The following PELI1 variants were observed in gnomAD, a reference collection of about 807,000 sequenced individuals.
The protein encoded by PELI1 is E3 ubiquitin-protein ligase pellino homolog 1.
A neutral mutation model predicts 41.3 loss-of-function variants in PELI1; 15 were observed. The observed-to-expected ratio is 0.36, with a 90% confidence interval of 0.24 to 0.56. PELI1 has a LOEUF of 0.56. Ranked by LOEUF, PELI1 falls within the 20% of genes least tolerant of loss-of-function variation. The pLI is 0.82. For missense variants in PELI1, 403 were observed against 525.5 expected (o/e 0.77, Z 2.28); for synonymous variants, 178 against 180.1 (o/e 0.99, Z 0.09).
At chr2:64,117,328 A>G (rs192799276) in intron 1 of PELI1, among the ~76,000 whole-genome samples, 111 of 151,954 alleles carry the variant, frequency 7.3e-4, no homozygotes, top group South Asian at 1.9e-3. Flanking sequence ...AACTTTTGAT[A>G]CAATGAAGTA....
intron 1 of PELI1, among the ~76,000 whole-genome samples, chr2:64,126,229 T>C (rs1681379009): frequency 6.6e-6 from 1 of 152,160 alleles, no homozygotes; most frequent in African/African-American, 2.4e-5. Context: ...AGTCACACGA[T>C]CACAGATCAC....
chr2:64,117,518 CTT>C (rs1418560460), intron 1 of PELI1, among the ~76,000 whole-genome samples: 1 of 152,118 alleles, frequency 6.6e-6, no homozygotes, highest in African/African-American at 2.4e-5. Flanking sequence ...ATTCTCTGCT[CTT>C]TTAGAGAAGC....
intron 3 of PELI1, among the ~76,000 whole-genome samples, chr2:64,102,300 A>C (rs1419230596): frequency 6.6e-6 from 1 of 152,122 alleles, no homozygotes; most frequent in East Asian, 1.9e-4. Flanking sequence ...TATACTATAT[A>C]ATTGTTTTAC....
chr2:64,123,757 A>G (rs1351870583), intron 1 of PELI1, among the ~76,000 whole-genome samples: 4 of 152,222 alleles, frequency 2.6e-5, no homozygotes. Flanking sequence ...ATTAAACATT[A>G]AGTTCTCATG....
At chr2:64,122,987 A>G (rs1196527170) in intron 1 of PELI1, among the ~76,000 whole-genome samples, 1 of 152,226 alleles carries the variant, frequency 6.6e-6, no homozygotes, top group Non-Finnish European at 1.5e-5. Context: ...CATAGGGCTA[A>G]GTAGTGCAGC....
At chr2:64,116,896 T>C (rs1198511370) in intron 1 of PELI1, among the ~76,000 whole-genome samples, 2 of 152,224 alleles carry the variant, frequency 1.3e-5, no homozygotes, top group Non-Finnish European at 2.9e-5. Context: ...ATTCTCACAA[T>C]ATTTCAAACT....
rs977648634 is a variant in PELI1, at chr2:64,093,720, A to ATAAT, written c.*978_*981dup. 1 of 152,644 alleles carries ATAAT rather than the reference A, an allele frequency of 6.6e-6. No individual in the cohort carries two copies. Among genetic ancestry groups the ATAAT allele is most frequent in the African/African-American group, 2.4e-5 (1 of 41,448 alleles). 9.5% of individuals were successfully genotyped at this position (152,644 alleles called of 1,614,324 possible). A position where few individuals can be genotyped will look rare whatever the true frequency, so the allele number is the denominator to read the frequency against. ...ATGCCCGAATAAGGCCAAATACAGA[A>ATAAT]TAATTAATTAAGCATTTCTTTTTCC... On this transcript the variant is annotated 3_prime_UTR_variant, in exon 7 of 7. Coordinates refer to ENST00000358912, the MANE Select transcript of PELI1 (RefSeq NM_020651.4).
intron 6 of PELI1, among the ~76,000 whole-genome samples, 194 bp downstream of exon 6, chr2:64,095,931 C>T (rs1680217841): frequency 6.6e-6 from 1 of 152,180 alleles, no homozygotes; most frequent in African/African-American, 2.4e-5. Flanking sequence ...GTGTGAGCCA[C>T]CGCGCCCGGC....
intron 1 of PELI1, among the ~76,000 whole-genome samples, chr2:64,114,362 T>TAATG (rs1680921058): frequency 6.6e-6 from 1 of 152,198 alleles, no homozygotes; most frequent in Non-Finnish European, 1.5e-5. Flanking sequence ...ATCACCTTCT[T>TAATG]CATTCTTTTG....
At chr2:64,097,438 G>A (rs1233186954) in intron 4 of PELI1, among the ~76,000 whole-genome samples, 1 of 152,180 alleles carries the variant, frequency 6.6e-6, no homozygotes, top group Non-Finnish European at 1.5e-5. Context: ...GGTTCTTAGG[G>A]ATATTTCAGA....
At chr2:64,102,998 C>G (rs958410841) in intron 3 of PELI1, among the ~76,000 whole-genome samples, 1 of 151,920 alleles carries the variant, frequency 6.6e-6, no homozygotes, top group Non-Finnish European at 1.5e-5. Context: ...CATGCCACCA[C>G]GCTTGGCTAA....
At chr2:64,117,661 G>T in intron 1 of PELI1, among the ~76,000 whole-genome samples, 1 of 152,046 alleles carries the variant, frequency 6.6e-6, no homozygotes, top group East Asian at 1.9e-4. Flanking sequence ...ACTACTAATA[G>T]AGAGAAATCA....
At chr2:64,096,061 A>G (rs1468160553) in intron 6 of PELI1, 64 bp downstream of exon 6, 12 of 1,115,634 alleles carry the variant, frequency 1.1e-5, no homozygotes, top group African/African-American at 1.5e-5. Context: ...TATGTAATGC[A>G]TTCAGTTCTA....
chr2:64,096,699 A>G, intron 4 of PELI1, 89 bp from the exon 5 acceptor site: 2 of 809,104 alleles, frequency 2.5e-6, no homozygotes, highest in South Asian at 1.7e-5. Context: ...AGAGAACATT[A>G]GGTCTCTGAA....
chr2:64,112,889 CTT>C (rs1447101664), intron 1 of PELI1, among the ~76,000 whole-genome samples: 1 of 151,916 alleles, frequency 6.6e-6, no homozygotes, highest in African/African-American at 2.4e-5. Flanking sequence ...GGTTTATACT[CTT>C]TAACAAAGAC....
In PELI1 at chr2:64,111,703, T is replaced by C. The variant is rs575912681; in HGVS notation, c.-69-3324A>G. 9.8e-4 allele frequency among the ~76,000 whole-genome samples: 150 copies of C among 152,332 alleles called. 1 individual carries two copies. Among genetic ancestry groups the C allele is most frequent in the African/African-American group, 3.5e-3 (145 of 41,580 alleles). ...AACCTTCAAGGTAAAAACTGAAGTT[T>C]CAAGAACAATTAAATCAACCAAAGA... is the stretch of plus-strand genomic sequence containing the variant. On this transcript the variant is annotated intron_variant, in intron 1 of 6. Transcript: ENST00000358912.
intron 1 of PELI1, among the ~76,000 whole-genome samples, chr2:64,142,976 C>A (rs1214847539): frequency 6.6e-6 from 1 of 152,150 alleles, no homozygotes; most frequent in Non-Finnish European, 1.5e-5. Context: ...TTAGCACAAC[C>A]AGCACCTTAT....
intron 1 of PELI1, among the ~76,000 whole-genome samples, chr2:64,126,620 T>C (rs1425201122): frequency 1.3e-5 from 2 of 152,200 alleles, no homozygotes; most frequent in Non-Finnish European, 2.9e-5. Context: ...TGTTTACTTA[T>C]GTTTACTAAA....
intron 1 of PELI1, among the ~76,000 whole-genome samples, chr2:64,138,409 T>A (rs1576106209): frequency 6.6e-6 from 1 of 152,202 alleles, no homozygotes; most frequent in African/African-American, 2.4e-5. Flanking sequence ...ATCTTCTCAA[T>A]GAAGTCTTTT....
Sources: allele counts gnomAD v4.1 joint callset (sites outside exome capture counted in the v4.1 genomes callset), GRCh38; gene constraint gnomAD v4.1.1; transcripts MANE v1.5; gene names NCBI Gene and HGNC (gene_info 2026-07-23, HGNC 2026-07-21).